The following AMBP variants were observed in gnomAD, a reference collection of about 807,000 sequenced individuals.
The protein encoded by AMBP is alpha-1-microglobulin/bikunin precursor.
Under a neutral mutation model 46.3 loss-of-function variants are expected in AMBP, and 37 were observed. That is an observed-to-expected ratio of 0.80 (90% CI 0.61 to 1.05). The LOEUF is 1.05. AMBP is among the 50% of genes least tolerant of loss of function. The pLI is 0.00. For missense variants in AMBP, 475 were observed against 461.2 expected (o/e 1.03, Z -0.27); for synonymous variants, 174 against 175.9 (o/e 0.99, Z 0.09).
intron 5 of AMBP, 86 bp downstream of exon 5, chr9:114,072,839 G>T: frequency 8.1e-7 from 1 of 1,235,828 alleles, no homozygotes; most frequent in South Asian, 1.3e-5. Context: ...GAGGGTTATA[G>T]TAAGGACCCA....
intron 6 of AMBP, among the ~76,000 whole-genome samples, chr9:114,066,101 A>G (rs1846690489): frequency 6.6e-6 from 1 of 152,160 alleles, no homozygotes; most frequent in Admixed American, 6.5e-5. Flanking sequence ...AGACTGATCA[A>G]CACAGGGGTA....
chr9:114,060,897 C>T, intron 9 of AMBP, 28 bp downstream of exon 9: 1 of 1,602,160 alleles, frequency 6.2e-7, no homozygotes. Context: ...CCCCTCGGCC[C>T]AGCCTGGCAC....
chr9:114,076,171 G>T (rs1425617676), intron 2 of AMBP, among the ~76,000 whole-genome samples: 1 of 151,916 alleles, frequency 6.6e-6, no homozygotes, highest in Non-Finnish European at 1.5e-5. Context: ...AGAGGTTGTG[G>T]CAGACAACCA....
In AMBP at chr9:114,061,417, C is replaced by T; in HGVS notation, c.853+7G>A. 6.2e-7 allele frequency: 1 copy of T among 1,614,116 alleles called. No homozygotes were observed. The highest frequency in any genetic ancestry group is 1.1e-5 in the South Asian group (1 of 91,068). ...CAGAGCGCACAGGGGTGGGGACCCG[C>T]ACTCACCCACAGTTCGGCAGGTCTG... is the stretch of plus-strand genomic sequence containing the variant. On this transcript the variant is annotated splice_region_variant and intron_variant, in intron 8 of 9. Transcript: ENST00000265132.
chr9:114,071,011 C>T (rs1240526277), intron 5 of AMBP, among the ~76,000 whole-genome samples: 2 of 152,172 alleles, frequency 1.3e-5, no homozygotes, highest in Admixed American at 1.3e-4. Flanking sequence ...CAGACACCAG[C>T]CTGGGCCCAG....
At chr9:114,077,111 C>T (rs770632445) in intron 1 of AMBP, among the ~76,000 whole-genome samples, 45 of 152,220 alleles carry the variant, frequency 3.0e-4, no homozygotes, top group Non-Finnish European at 4.7e-4. Flanking sequence ...GTGCTCCCCA[C>T]CTTGCAAGGC....
chr9:114,063,538 C>T (rs536650027), intron 6 of AMBP, among the ~76,000 whole-genome samples: 62 of 152,246 alleles, frequency 4.1e-4, no homozygotes, highest in Non-Finnish European at 6.8e-4. Context: ...GGAGAAAAAT[C>T]GTGGGACAAG....
At chr9:114,071,132 G>T (rs1472764117) in intron 5 of AMBP, among the ~76,000 whole-genome samples, 1 of 152,194 alleles carries the variant, frequency 6.6e-6, no homozygotes, top group Non-Finnish European at 1.5e-5. Context: ...CTTCTGAATT[G>T]GTGGGATAGG....
At chr9:114,066,599 C>T (rs1288641220) in intron 6 of AMBP, among the ~76,000 whole-genome samples, 1 of 152,038 alleles carries the variant, frequency 6.6e-6, no homozygotes, top group Non-Finnish European at 1.5e-5. Context: ...TCAGAACCAG[C>T]AAATAAATTA....
chr9:114,075,941 C>T (rs749154493), intron 2 of AMBP, among the ~76,000 whole-genome samples: 17 of 152,064 alleles, frequency 1.1e-4, no homozygotes, highest in Non-Finnish European at 2.2e-4. Flanking sequence ...AGCAGGTTCA[C>T]GTGAGTAGGA....
chr9:114,069,632 G>A (rs1846723658), intron 6 of AMBP, 67 bp downstream of exon 6: 2 of 1,454,762 alleles, frequency 1.4e-6, no homozygotes, highest in Admixed American at 1.9e-5. Context: ...AGGATCAAGT[G>A]TGCAGCGTGC....
chr9:114,071,650 TC>T (rs2048066002), intron 5 of AMBP, among the ~76,000 whole-genome samples: 1 of 152,230 alleles, frequency 6.6e-6, no homozygotes, highest in African/African-American at 2.4e-5. Flanking sequence ...GGGGTGCTTT[TC>T]CCTGGGCCTA....
chr9:114,061,901 G>T (rs1846643355), intron 7 of AMBP, among the ~76,000 whole-genome samples: 1 of 152,046 alleles, frequency 6.6e-6, no homozygotes, highest in African/African-American at 2.4e-5. Context: ...AGTAGTTGAT[G>T]ACATATGTAC....
rs1364697650 is a variant in AMBP at position 114,076,500 on chromosome 9, T to C, written c.260+98A>G. On this transcript the variant is annotated intron_variant, in intron 2 of 9. Coordinates refer to ENST00000265132, the MANE Select transcript of AMBP (RefSeq NM_001633.4). Reference sequence around the variant, plus strand: ...TGGGGTTCAGCGGGAAGGTCCTGACTGGAAGCAGAGATCTGCAACTTCCCA... The same window carrying C: ...TGGGGTTCAGCGGGAAGGTCCTGACCGGAAGCAGAGATCTGCAACTTCCCA... 1.3e-5 allele frequency: 20 copies of C among 1,530,810 alleles called. No homozygotes were observed. In the East Asian group the frequency reaches 4.5e-4, roughly 35 times the overall value. 94.8% of individuals were successfully genotyped at this position (1,530,810 alleles called of 1,614,324 possible). A position where few individuals can be genotyped will look rare whatever the true frequency, so the allele number is the denominator to read the frequency against.
chr9:114,065,007 G>T (rs1846679642), intron 6 of AMBP, among the ~76,000 whole-genome samples: 1 of 152,202 alleles, frequency 6.6e-6, no homozygotes, highest in African/African-American at 2.4e-5. Flanking sequence ...AGGAATGGTA[G>T]TAAAAGTTCC....
At chr9:114,061,809 C>T (rs1304567736) in intron 7 of AMBP, among the ~76,000 whole-genome samples, 1 of 152,180 alleles carries the variant, frequency 6.6e-6, no homozygotes, top group East Asian at 1.9e-4. Flanking sequence ...GCCCATTCCA[C>T]TCCATGTCAT....
At position 114,074,050 on chromosome 9, in the gene AMBP, G is replaced by A. The variant is rs1415805817; in HGVS notation, c.440C>T (p.Thr147Ile). 1.2e-6 allele frequency: 2 copies of A among 1,614,014 alleles called. No individual in the cohort carries two copies. Residue 147 changes from threonine to isoleucine, a missense_variant, in exon 4 of 10, where the codon ACT (threonine) becomes ATT (isoleucine). This residue lies in a region of AMBP where 293 missense variants were observed against 276.9 expected (regional missense o/e 1.06). Coordinates refer to ENST00000265132, the MANE Select transcript of AMBP (RefSeq NM_001633.4). ...KFSRHHGPTI[T>I]AKLYGRAPQL... ...TGAGCCTTTACCGTAGAGCTTGGCA[G>A]TAATGGTGGGTCCATGATGGCGGCT...
chr9:114,076,454 G>A (rs1846808582), intron 2 of AMBP, 144 bp downstream of exon 2: 3 of 1,199,740 alleles, frequency 2.5e-6, no homozygotes, highest in South Asian at 3.1e-5. Flanking sequence ...GGCCGTCCTG[G>A]TGGAGGAGCG....
Position 114,076,598 on chromosome 9 carries a change from C to A in AMBP, c.260G>T (p.Arg87Leu). 2 of 1,613,428 alleles carry A rather than the reference C, an allele frequency of 1.2e-6. No homozygotes were observed. Among genetic ancestry groups the A allele is most frequent in the South Asian group, 1.1e-5 (1 of 91,042 alleles). The stretch of plus-strand genomic sequence containing the variant: ...TTTCCAGCCCCACCCTAGTGCTCAC[C>A]GCCAACGAGTGCTGGTCATGCTGAT... ...AEISMTSTRW[R>L]KGVCEETSGA... Residue 87 changes from arginine to leucine, a missense_variant and splice_region_variant, in exon 2 of 10, where the codon CGG becomes CTG. By Grantham distance (102) the Arg-to-Leu change is moderately radical. This residue lies in a region of AMBP where 179 missense variants were observed against 167.4 expected (regional missense o/e 1.07). Transcript: ENST00000265132.
Sources: gnomAD v4.1 joint callset for allele counts (sites outside exome capture counted in the v4.1 genomes callset) on GRCh38, gnomAD v4.1.1 for gene constraint, gnomAD v4.1.1 regional missense constraint, MANE v1.5 for transcripts, NCBI Gene and HGNC (gene_info 2026-07-23, HGNC 2026-07-21) for gene names.